Variants in UGT1A6 observed in about 807,000 individuals in gnomAD.
UGT1A6 encodes the protein UDP glucuronosyltransferase family 1 member A6.
A neutral mutation model predicts 44.4 loss-of-function variants in UGT1A6; 32 were observed. The observed-to-expected ratio is 0.72, with a 90% CI of 0.54 to 0.97. The LOEUF (loss-of-function observed/expected upper bound fraction) is 0.97. Among genes scored for constraint, UGT1A6 ranks in the 50% least tolerant of loss-of-function variants. UGT1A6 has a pLI of 0.00. For missense variants in UGT1A6, 685 were observed against 661.9 expected, an observed-to-expected ratio of 1.03 and a Z score of -0.38; for synonymous variants, 238 against 248.5, an observed-to-expected ratio of 0.96 and a Z score of 0.40.
chr2:233,729,390 A>T (rs1190796582), intron 1 of UGT1A6: 1 of 1,613,904 alleles, frequency 6.2e-7, no homozygotes, highest in East Asian at 2.2e-5. Flanking sequence ...CCCAGGATGA[A>T]TTTGATCGCC....
intron 1 of UGT1A6, among the ~76,000 whole-genome samples, chr2:233,699,536 C>G (rs1417516253): frequency 6.6e-6 from 1 of 152,218 alleles, no homozygotes; most frequent in Non-Finnish European, 1.5e-5. Context: ...CAGGGCCATT[C>G]ACATCATAGA....
intron 4 of UGT1A6, chr2:233,770,332 T>C (rs1040470973): frequency 6.6e-6 from 1 of 152,102 alleles, no homozygotes; most frequent in Non-Finnish European, 1.5e-5. Context: ...CAGGCCATAA[T>C]AGGTGCTCAA....
intron 1 of UGT1A6, among the ~76,000 whole-genome samples, chr2:233,721,044 CT>C (rs1475591591): frequency 6.6e-6 from 1 of 151,954 alleles, no homozygotes; most frequent in Non-Finnish European, 1.5e-5. Context: ...GAATTGAGCC[CT>C]TTTTTGTCAT....
chr2:233,764,964 G>A (rs1018241082), intron 1 of UGT1A6, among the ~76,000 whole-genome samples: 15 of 152,140 alleles, frequency 9.9e-5, no homozygotes, highest in Non-Finnish European at 2.9e-5. Context: ...CTCACCTTGG[G>A]AGAAGGATGG....
intron 1 of UGT1A6, chr2:233,729,178 C>A (rs763464670): frequency 7.3e-5 from 117 of 1,613,756 alleles, no homozygotes; most frequent in Non-Finnish European, 9.8e-5. Context: ...AGGACTGCTG[C>A]TTCTCCTCAG....
intron 1 of UGT1A6, chr2:233,713,612 C>T (rs2076333250): frequency 6.2e-7 from 1 of 1,613,866 alleles, no homozygotes; most frequent in African/African-American, 1.3e-5. Flanking sequence ...ACATGACATT[C>T]CTGCAAAGGG....
chr2:233,743,880 G>C (rs754311427), intron 1 of UGT1A6: 1 of 1,366,528 alleles, frequency 7.3e-7, no homozygotes, highest in South Asian at 1.1e-5. Flanking sequence ...GATGAGGCCT[G>C]CCGGGGCACG....
chr2:233,703,391 T>C (rs552100359), intron 1 of UGT1A6, among the ~76,000 whole-genome samples: 30 of 152,276 alleles, frequency 2.0e-4, no homozygotes, highest in East Asian at 9.6e-4. Context: ...TATTTTCAAA[T>C]AAACAATTTT....
At chr2:233,763,225 G>A (rs537625266) in intron 1 of UGT1A6, among the ~76,000 whole-genome samples, 20 of 152,258 alleles carry the variant, frequency 1.3e-4, no homozygotes, top group African/African-American at 4.3e-4. Context: ...GTGAAAATAT[G>A]TTTTTAAATT....
chr2:233,747,597 G>A (rs1160963474), intron 1 of UGT1A6: 51 of 1,576,164 alleles, frequency 3.2e-5, no homozygotes, highest in Non-Finnish European at 4.2e-5. Context: ...TAGGTCTTGT[G>A]TGGAGCTACT....
At chr2:233,729,624 G>A (rs563451648) in intron 1 of UGT1A6, 25 of 1,613,906 alleles carry the variant, frequency 1.5e-5, no homozygotes, top group African/African-American at 6.7e-5. Context: ...AGTACCTGTC[G>A]ATTCCTACTG....
chr2:233,725,276 A>AGAGGAGGCAGAGGCAGAG (rs1178808521), intron 1 of UGT1A6, among the ~76,000 whole-genome samples: 1 of 47,620 alleles, frequency 2.1e-5, no homozygotes, highest in Non-Finnish European at 4.2e-5. Flanking sequence ...AGGCAGAGGC[A>AGAGGAGGCAGAGGCAGAG]GAGGCAGAGG....
At chr2:233,767,218 C>T (rs1699339085) in intron 2 of UGT1A6, 53 bp downstream of exon 2, 14 of 1,611,886 alleles carry the variant, frequency 8.7e-6, no homozygotes, top group East Asian at 2.2e-5. Context: ...GAGCGCTAAT[C>T]CCAGACTTCC....
At chr2:233,765,252 C>T (rs1390588094) in intron 1 of UGT1A6, among the ~76,000 whole-genome samples, 1 of 152,180 alleles carries the variant, frequency 6.6e-6, no homozygotes, top group Non-Finnish European at 1.5e-5. Flanking sequence ...AATCCCATTA[C>T]TGGGTATATA....
At chr2:233,747,630 C>G in intron 1 of UGT1A6, 1 of 1,577,990 alleles carries the variant, frequency 6.3e-7, no homozygotes, top group Non-Finnish European at 8.7e-7. Flanking sequence ...CCTGATCAGG[C>G]ACCTGAATGC....
chr2:233,755,145 G>C, intron 1 of UGT1A6: 1 of 1,302,778 alleles, frequency 7.7e-7, no homozygotes, highest in Non-Finnish European at 1.0e-6. Context: ...TCTTCTCACC[G>C]CTTCCTCCCT....
rs1417813271 is a variant in UGT1A6 at position 233,725,080 on chromosome 2, G to C, written c.861+31215G>C. Reference sequence around the variant, plus strand: ...CGCGCGCCTGCAATCGCAGGCACTCGGCAGGCTGAGGCAGGAGAATCAGGC... The same window carrying C: ...CGCGCGCCTGCAATCGCAGGCACTCCGCAGGCTGAGGCAGGAGAATCAGGC... On this transcript the variant is annotated intron_variant, in intron 1 of 4. Coordinates refer to ENST00000305139, the MANE Select transcript of UGT1A6 (RefSeq NM_001072.4). 2.8e-5 allele frequency among the ~76,000 whole-genome samples: 4 copies of C among 144,008 alleles called. No homozygotes were observed. In the Admixed American group the frequency reaches 2.8e-4, roughly 10 times the overall value. 94.5% of individuals were successfully genotyped at this position (144,008 alleles called of 152,430 possible).
At chr2:233,729,094 G>A in intron 1 of UGT1A6, 1 of 1,612,652 alleles carries the variant, frequency 6.2e-7, no homozygotes, top group Non-Finnish European at 8.5e-7. Context: ...ACAGCGTGGG[G>A]TGGACAGTCA....
chr2:233,712,147 G>C (rs1170560500), intron 1 of UGT1A6, among the ~76,000 whole-genome samples: 1 of 152,218 alleles, frequency 6.6e-6, no homozygotes, highest in African/African-American at 2.4e-5. Flanking sequence ...GCATTCAGAA[G>C]AGGAATTCAG....
Sources: gnomAD v4.1 joint callset for allele counts (sites outside exome capture counted in the v4.1 genomes callset) on GRCh38, gnomAD v4.1.1 for gene constraint, MANE v1.5 for transcripts, NCBI Gene and HGNC (gene_info 2026-07-23, HGNC 2026-07-21) for gene names.